CEP128: variants seen among roughly 807,000 people sequenced by gnomAD.
CEP128 encodes centrosomal protein 128kDa.
A neutral mutation model predicts 156.7 loss-of-function variants in CEP128; 132 were observed. The ratio of observed to expected loss-of-function variants is 0.84; its 90% CI spans 0.73 to 0.97. CEP128 has a LOEUF of 0.97. CEP128 is among the 50% of genes least tolerant of loss of function. The probability of loss-of-function intolerance (pLI) is 0.00; values close to 1 mark genes in which losing one functional copy is unlikely to be tolerated. For missense variants in CEP128, 1,252 were observed against 1,281.9 expected (o/e 0.98, Z 0.36); for synonymous variants, 469 against 448.9 (o/e 1.04, Z -0.57).
At chr14:80,781,933 G>A (rs978615376) in intron 15 of CEP128, among the ~76,000 whole-genome samples, 39 of 152,236 alleles carry the variant, frequency 2.6e-4, no homozygotes, top group Admixed American at 1.6e-3. Flanking sequence ...CTAAATAATG[G>A]TGATAAGACA....
At chr14:80,683,461 A>C (rs1896403263) in intron 19 of CEP128, among the ~76,000 whole-genome samples, 1 of 152,178 alleles carries the variant, frequency 6.6e-6, no homozygotes, top group Non-Finnish European at 1.5e-5. Context: ...TTGAAGCATC[A>C]AGATTAATAA....
chr14:80,590,310 T>C (rs538790981), intron 19 of CEP128, among the ~76,000 whole-genome samples: 8 of 152,236 alleles, frequency 5.3e-5, no homozygotes, highest in Non-Finnish European at 1.0e-4. Flanking sequence ...AGATGCTTCA[T>C]AGAGTTCTAA....
At chr14:80,787,991 T>C (rs976885920) in intron 14 of CEP128, among the ~76,000 whole-genome samples, 1 of 152,272 alleles carries the variant, frequency 6.6e-6, no homozygotes, top group East Asian at 1.9e-4. Context: ...TTCACATCAA[T>C]TCCTGACAAG....
intron 8 of CEP128, among the ~76,000 whole-genome samples, chr14:80,874,679 G>A (rs12891893): frequency 1.3e-5 from 2 of 152,086 alleles, no homozygotes; most frequent in East Asian, 1.9e-4. Context: ...GTGCAGTGGC[G>A]CCATCTTGGC....
intron 19 of CEP128, among the ~76,000 whole-genome samples, chr14:80,633,042 C>T (rs1216268130): frequency 6.6e-6 from 1 of 151,978 alleles, no homozygotes; most frequent in East Asian, 1.9e-4. Context: ...GCCTGGGCAA[C>T]ATAGTGGGAC....
At chr14:80,608,657 C>G (rs1383426548) in intron 19 of CEP128, among the ~76,000 whole-genome samples, 5 of 152,152 alleles carry the variant, frequency 3.3e-5, no homozygotes, top group Non-Finnish European at 7.4e-5. Context: ...GTATCATGCT[C>G]TCTTGAACCT....
intron 19 of CEP128, among the ~76,000 whole-genome samples, chr14:80,625,914 T>C (rs1042224035): frequency 1.3e-5 from 2 of 152,082 alleles, no homozygotes; most frequent in African/African-American, 4.8e-5. Flanking sequence ...ATTTTTACCA[T>C]ATCAGATTAG....
intron 2 of CEP128, among the ~76,000 whole-genome samples, chr14:80,917,803 A>G (rs141352058): frequency 6.6e-6 from 1 of 152,280 alleles, no homozygotes; most frequent in Non-Finnish European, 1.5e-5. Flanking sequence ...AAAGCATTTA[A>G]TGAAAGCAAC....
At chr14:80,891,919 T>C (rs1015538729) in intron 8 of CEP128, among the ~76,000 whole-genome samples, 8 of 151,440 alleles carry the variant, frequency 5.3e-5, no homozygotes, top group African/African-American at 9.7e-5. Flanking sequence ...GAAGACAAAA[T>C]AATGAAAAAA....
At chr14:80,583,378 C>T (rs560326253) in intron 19 of CEP128, among the ~76,000 whole-genome samples, 1 of 152,078 alleles carries the variant, frequency 6.6e-6, no homozygotes, top group Non-Finnish European at 1.5e-5. Context: ...ACTCCTGTTC[C>T]TCTTTTCCAC....
chr14:80,676,414 GCTGA>G (rs1403163487), intron 19 of CEP128, among the ~76,000 whole-genome samples: 4 of 151,248 alleles, frequency 2.6e-5, no homozygotes, highest in African/African-American at 9.7e-5. Context: ...TCAGAAACTT[GCTGA>G]CTTTCATTAT....
chr14:80,934,906 A>T (rs753138626), intron 2 of CEP128, among the ~76,000 whole-genome samples: 5 of 152,230 alleles, frequency 3.3e-5, no homozygotes, highest in African/African-American at 4.8e-5. Context: ...ATAATGTTCA[A>T]CTTTATTGAA....
chr14:80,799,863 A>C (rs1883734514), intron 13 of CEP128, among the ~76,000 whole-genome samples: 1 of 152,136 alleles, frequency 6.6e-6, no homozygotes, highest in African/African-American at 2.4e-5. Flanking sequence ...TGCACCGCTG[A>C]ACATAGACCC....
intron 19 of CEP128, among the ~76,000 whole-genome samples, chr14:80,663,233 T>C (rs1229303241): frequency 6.6e-6 from 1 of 152,158 alleles, no homozygotes. Flanking sequence ...TTTAAACATT[T>C]CTGTTTAAAG....
At chr14:80,936,314 C>T (rs1203286959) in intron 2 of CEP128, among the ~76,000 whole-genome samples, 2 of 151,796 alleles carry the variant, frequency 1.3e-5, no homozygotes, top group Non-Finnish European at 2.9e-5. Flanking sequence ...CCTGGGAGGT[C>T]GAGGCTGCAG....
At chr14:80,923,066 G>C (rs1351300158) in intron 2 of CEP128, among the ~76,000 whole-genome samples, 1 of 152,238 alleles carries the variant, frequency 6.6e-6, no homozygotes, top group Non-Finnish European at 1.5e-5. Flanking sequence ...GACCTTGAGA[G>C]AAAGTCTCTG....
At chr14:80,705,573 C>A (rs987108296) in intron 19 of CEP128, among the ~76,000 whole-genome samples, 1 of 152,112 alleles carries the variant, frequency 6.6e-6, no homozygotes, top group South Asian at 2.1e-4. Context: ...GGAGACCAGT[C>A]CTTTCCCCTT....
intron 19 of CEP128, among the ~76,000 whole-genome samples, chr14:80,704,720 T>G (rs1026735246): frequency 1.6e-5 from 2 of 123,206 alleles, no homozygotes; most frequent in African/African-American, 5.0e-5. Flanking sequence ...ATGTCAAAAT[T>G]TAGCCTAAAC....
chr14:80,922,145 C>A (rs1420229589), intron 2 of CEP128, among the ~76,000 whole-genome samples: 1 of 152,166 alleles, frequency 6.6e-6, no homozygotes, highest in African/African-American at 2.4e-5. Context: ...AACAAGCTGT[C>A]GACCTGGAAA....
Sources: gnomAD v4.1 joint callset for allele counts (sites outside exome capture counted in the v4.1 genomes callset) on GRCh38, gnomAD v4.1.1 for gene constraint, MANE v1.5 for transcripts, NCBI Gene and HGNC (gene_info 2026-07-23, HGNC 2026-07-21) for gene names.